The following BANF2 variants were observed in gnomAD, a reference collection of about 807,000 sequenced individuals.
The protein encoded by BANF2 is BANF family member 2.
BANF2 carries 4 observed loss-of-function variants against 8.0 expected under a neutral mutation model. That is an observed-to-expected ratio of 0.50 (90% confidence interval 0.25 to 1.14). The LOEUF (loss-of-function observed/expected upper bound fraction) is 1.14. Among genes scored for constraint, BANF2 ranks in the 50% most tolerant of loss-of-function variants. The pLI is 0.16. For synonymous variants in BANF2, 50 were observed against 40.6 expected (o/e 1.23, Z -0.88); for missense variants, 96 against 107.5 (o/e 0.89, Z 0.47).
At chr20:17,735,558 C>A (rs1341294030) in intron 3 of BANF2, 107 bp from the exon 4 acceptor site, 44 of 1,332,856 alleles carry the variant, frequency 3.3e-5, no homozygotes, top group Non-Finnish European at 4.4e-5. Context: ...CCCTGCTCCC[C>A]CTCCTTTGAT....
At chr20:17,707,642 C>T (rs2037502537) in intron 1 of BANF2, among the ~76,000 whole-genome samples, 2 of 151,932 alleles carry the variant, frequency 1.3e-5, no homozygotes, top group Non-Finnish European at 2.9e-5. Flanking sequence ...TGCAATGGCA[C>T]GATCTCGGCT....
intron 3 of BANF2, among the ~76,000 whole-genome samples, chr20:17,734,345 C>T (rs1368623676): frequency 2.0e-5 from 3 of 152,162 alleles, no homozygotes; most frequent in Admixed American, 2.0e-4. Flanking sequence ...ACCTTCTATG[C>T]TCCTCCTACA....
At chr20:17,718,292 C>A (rs982609579) in intron 1 of BANF2, among the ~76,000 whole-genome samples, 8 of 152,128 alleles carry the variant, frequency 5.3e-5, no homozygotes, top group Admixed American at 5.2e-4. Flanking sequence ...GCAACCTCTG[C>A]CTCCCAGGTT....
chr20:17,721,444 T>A (rs753210269), intron 1 of BANF2, among the ~76,000 whole-genome samples: 2 of 151,418 alleles, frequency 1.3e-5, no homozygotes, highest in Non-Finnish European at 2.9e-5. Context: ...CAGGCTGGAG[T>A]GCAGTGGCGC....
At chr20:17,712,664 G>A (rs1440707046) in intron 1 of BANF2, 3 of 520,410 alleles carry the variant, frequency 5.8e-6, no homozygotes, top group Non-Finnish European at 7.4e-6. Context: ...ATGGGGCAGA[G>A]AAGGTAGATT....
At chr20:17,727,417 T>C (rs1251342135) in intron 3 of BANF2, among the ~76,000 whole-genome samples, 1 of 152,064 alleles carries the variant, frequency 6.6e-6, no homozygotes, top group Non-Finnish European at 1.5e-5. Context: ...CGCTCCCAGG[T>C]GAACTGGAGC....
chr20:17,734,620 G>T (rs60458298), intron 3 of BANF2, among the ~76,000 whole-genome samples: 9,886 of 152,258 alleles, frequency 0.065, 322 homozygotes, highest in Middle Eastern at 0.11. Context: ...TTGCCCCCAA[G>T]GGACATTTGG....
chr20:17,695,267 G>A (rs978685548), upstream of BANF2, among the ~76,000 whole-genome samples: 1 of 151,424 alleles, frequency 6.6e-6, no homozygotes, highest in Admixed American at 6.6e-5. Flanking sequence ...GTCAACAAAG[G>A]GAAGACCCCA....
intron 1 of BANF2, among the ~76,000 whole-genome samples, chr20:17,721,264 G>C (rs961855590): frequency 6.6e-6 from 1 of 152,204 alleles, no homozygotes; most frequent in African/African-American, 2.4e-5. Context: ...ATGTTGCCTG[G>C]TTCTGGCCAA....
chr20:17,695,478 G>A (rs186742312), upstream of BANF2, among the ~76,000 whole-genome samples: 79 of 141,538 alleles, frequency 5.6e-4, 1 homozygote, highest in East Asian at 0.013. Context: ...AAGTAGAGTC[G>A]CATAGGTAAA....
intron 1 of BANF2, among the ~76,000 whole-genome samples, chr20:17,708,686 T>C (rs2037523948): frequency 6.6e-6 from 1 of 152,220 alleles, no homozygotes; most frequent in Non-Finnish European, 1.5e-5. Context: ...CTCTGGCTTT[T>C]TCATTTGCAA....
intron 1 of BANF2, among the ~76,000 whole-genome samples, chr20:17,711,657 G>A (rs1020946739): frequency 6.6e-6 from 1 of 152,196 alleles, no homozygotes; most frequent in African/African-American, 2.4e-5. Flanking sequence ...AGGGTTTTGT[G>A]CTTCCACATC....
chr20:17,735,688 C>T lies in BANF2; in HGVS notation c.150C>T (p.Phe50=). 6.2e-7 allele frequency: 1 copy of T among 1,613,964 alleles called. No homozygotes were observed. The highest frequency in any genetic ancestry group is 8.5e-7 in the Non-Finnish European group (1 of 1,179,868). The change falls in exon 4 of 4, where the codon TTC becomes TTT. Residue 50 remains phenylalanine (F), a synonymous_variant. Transcript: ENST00000246090. ...AGGCCTACATCCTGCTGGGACAATTCCTTCTGATGCACAAGAATGAAGCCG... is the reference window on the plus strand; with the variant it reads ...AGGCCTACATCCTGCTGGGACAATTTCTTCTGATGCACAAGAATGAAGCCG... The part of the protein sequence containing the change: ...INKAYILLGQ[F]LLMHKNEAEF...
chr20:17,696,058 TATTA>T (rs2037344433), upstream of BANF2, among the ~76,000 whole-genome samples: 1 of 152,244 alleles, frequency 6.6e-6, no homozygotes, highest in African/African-American at 2.4e-5. Context: ...TACATTCACC[TATTA>T]ATGGACATTC....
chr20:17,725,251 A>G (rs974108481), intron 3 of BANF2, 100 bp downstream of exon 3: 116 of 1,418,322 alleles, frequency 8.2e-5, no homozygotes, highest in Middle Eastern at 7.2e-4. Flanking sequence ...GTGAAGGGCC[A>G]TCAGAGAGCA....
At chr20:17,716,391 G>C in intron 1 of BANF2, among the ~76,000 whole-genome samples, 1 of 151,994 alleles carries the variant, frequency 6.6e-6, no homozygotes, top group East Asian at 1.9e-4. Context: ...GGAGTGCAGT[G>C]GTACGACCAC....
At chr20:17,733,935 G>A (rs945038027) in intron 3 of BANF2, among the ~76,000 whole-genome samples, 2 of 152,206 alleles carry the variant, frequency 1.3e-5, no homozygotes, top group African/African-American at 4.8e-5. Context: ...AAAGTAAACA[G>A]ACACCATCAG....
chr20:17,696,507 C>T (rs1045253818), upstream of BANF2, among the ~76,000 whole-genome samples: 1 of 152,150 alleles, frequency 6.6e-6, no homozygotes, highest in African/African-American at 2.4e-5. Context: ...ATTAGCCATT[C>T]TGGTGGGCAT....
intron 1 of BANF2, among the ~76,000 whole-genome samples, chr20:17,703,997 C>G (rs1429916916): frequency 6.6e-6 from 1 of 152,220 alleles, no homozygotes; most frequent in East Asian, 1.9e-4. Context: ...TCTGCCTCGG[C>G]CTCACAAAGT....
Sources: allele counts gnomAD v4.1 joint callset (sites outside exome capture counted in the v4.1 genomes callset), GRCh38; gene constraint gnomAD v4.1.1; transcripts MANE v1.5; gene names NCBI Gene and HGNC (gene_info 2026-07-23, HGNC 2026-07-21).